The following TBCA variants were observed in gnomAD, a reference collection of about 807,000 sequenced individuals.
TBCA encodes tubulin-specific chaperone A.
A neutral mutation model predicts 15.8 loss-of-function variants in TBCA; 6 were observed. The observed-to-expected ratio is 0.38, with a 90% CI of 0.21 to 0.75. The LOEUF (loss-of-function observed/expected upper bound fraction) is 0.75. Among genes scored for constraint, TBCA ranks in the 30% least tolerant of loss-of-function variants. The pLI, the probability that TBCA is intolerant of heterozygous loss-of-function variation, is 0.46. For synonymous variants in TBCA, 32 were observed against 42.3 expected (o/e 0.76, Z 0.94); for missense variants, 90 against 131.2 (o/e 0.69, Z 1.53).
intron 1 of TBCA, among the ~76,000 whole-genome samples, chr5:77,714,766 C>G (rs572006449): frequency 7.2e-5 from 11 of 152,122 alleles, no homozygotes; most frequent in African/African-American, 2.7e-4. Flanking sequence ...CGGAGTTTCA[C>G]CGTGTTAGCC....
At chr5:77,715,194 A>G (rs1224593038) in intron 1 of TBCA, 1 of 693,868 alleles carries the variant, frequency 1.4e-6, no homozygotes, top group African/African-American at 1.8e-5. Flanking sequence ...TAGTTACATA[A>G]AAATGTAAAA....
At chr5:77,770,874 G>A (rs1159484771) in intron 1 of TBCA, among the ~76,000 whole-genome samples, 1 of 152,142 alleles carries the variant, frequency 6.6e-6, no homozygotes, top group Non-Finnish European at 1.5e-5. Context: ...AGTGGCTCAC[G>A]CCTATAATTC....
At chr5:77,728,622 T>TA (rs753250820) in intron 1 of TBCA, among the ~76,000 whole-genome samples, 2 of 151,984 alleles carry the variant, frequency 1.3e-5, no homozygotes, top group South Asian at 2.1e-4. Context: ...ACTTGTGTGT[T>TA]AAAAAAAAGT....
At chr5:77,742,992 T>C (rs352581) in intron 1 of TBCA, among the ~76,000 whole-genome samples, 57,927 of 152,012 alleles carry the variant, frequency 0.38, 11,085 homozygotes, top group South Asian at 0.41. Flanking sequence ...CTCAACAAGA[T>C]AGAAATTATC....
At chr5:77,749,960 T>G (rs764812571) in intron 1 of TBCA, among the ~76,000 whole-genome samples, 8 of 152,156 alleles carry the variant, frequency 5.3e-5, no homozygotes, top group Non-Finnish European at 8.8e-5. Flanking sequence ...CCATTTGCAT[T>G]TGAAGATATG....
At chr5:77,729,280 C>T (rs927503482) in intron 1 of TBCA, among the ~76,000 whole-genome samples, 2 of 152,104 alleles carry the variant, frequency 1.3e-5, no homozygotes, top group South Asian at 4.2e-4. Flanking sequence ...TGCCACTGCA[C>T]TCTAGCCTAG....
chr5:77,747,918 A>C (rs1375037022), intron 1 of TBCA, among the ~76,000 whole-genome samples: 4 of 152,134 alleles, frequency 2.6e-5, no homozygotes, highest in Non-Finnish European at 5.9e-5. Flanking sequence ...TTATCTTATA[A>C]TTTTCAAAAA....
At chr5:77,692,808 T>G in intron 3 of TBCA, 1 of 1,059,770 alleles carries the variant, frequency 9.4e-7, no homozygotes, top group Non-Finnish European at 1.1e-6. Flanking sequence ...GGGGACTACA[T>G]AGATTACCAG....
intron 1 of TBCA, among the ~76,000 whole-genome samples, chr5:77,744,900 T>C (rs1357373290): frequency 1.3e-5 from 2 of 152,202 alleles, no homozygotes; most frequent in Non-Finnish European, 2.9e-5. Flanking sequence ...TAAAAAGGTA[T>C]AGCCAGTACA....
chr5:77,730,374 A>C (rs551904050), intron 1 of TBCA, among the ~76,000 whole-genome samples: 4 of 152,304 alleles, frequency 2.6e-5, no homozygotes, highest in South Asian at 2.1e-4. Flanking sequence ...CTGTTAAGCC[A>C]AAGAGGCAAA....
chr5:77,761,447 T>C (rs1456596473), intron 1 of TBCA, among the ~76,000 whole-genome samples: 1 of 152,058 alleles, frequency 6.6e-6, no homozygotes, highest in Non-Finnish European at 1.5e-5. Context: ...GCATGCTCCT[T>C]AAGAGTCATC....
Position 77,751,910 on chromosome 5 carries a change from T to C in TBCA, c.53+24295A>G, listed in dbSNP as rs1346389848. 5.9e-5 allele frequency among the ~76,000 whole-genome samples: 9 copies of C among 152,230 alleles called. No homozygotes were observed. In the East Asian group the frequency reaches 1.7e-3, roughly 29 times the overall value. ...ATCATAGGGAGTCAAAGCTGTCTTC[T>C]TGCGCTCAGTCAGTTCCTGGGTAGG... On this transcript the variant is annotated intron_variant, in intron 1 of 3. Coordinates refer to ENST00000380377, the MANE Select transcript of TBCA (RefSeq NM_004607.3).
chr5:77,725,974 G>GC (rs1333808796), intron 1 of TBCA, among the ~76,000 whole-genome samples: 1 of 152,178 alleles, frequency 6.6e-6, no homozygotes, highest in Non-Finnish European at 1.5e-5. Context: ...AAATGAATCT[G>GC]CCACTGTGTT....
chr5:77,710,623 T>G (rs1167642483), intron 1 of TBCA, among the ~76,000 whole-genome samples: 1 of 152,220 alleles, frequency 6.6e-6, no homozygotes, highest in Non-Finnish European at 1.5e-5. Context: ...GATGTTTTCA[T>G]CAGGAAACAT....
chr5:77,703,297 CTGAG>C (rs10550056), intron 2 of TBCA, among the ~76,000 whole-genome samples: 57,494 of 151,638 alleles, frequency 0.38, 10,876 homozygotes, highest in South Asian at 0.41. Context: ...ATATGTCTGA[CTGAG>C]TGTCATTACT....
intron 1 of TBCA, among the ~76,000 whole-genome samples, chr5:77,741,193 G>A (rs936125959): frequency 5.3e-5 from 8 of 152,356 alleles, no homozygotes; most frequent in Middle Eastern, 3.4e-3. Flanking sequence ...GGGTTGTGGA[G>A]AAGATAATTC....
At chr5:77,738,746 C>T (rs962295091) in intron 1 of TBCA, among the ~76,000 whole-genome samples, 2 of 152,138 alleles carry the variant, frequency 1.3e-5, no homozygotes, top group Non-Finnish European at 2.9e-5. Context: ...CCACGCCTGG[C>T]TAATTTTTGT....
At chr5:77,724,733 T>C (rs1314776780) in intron 1 of TBCA, among the ~76,000 whole-genome samples, 1 of 152,118 alleles carries the variant, frequency 6.6e-6, no homozygotes, top group Non-Finnish European at 1.5e-5. Context: ...CAGACACACT[T>C]TATAAAAATT....
intron 1 of TBCA, among the ~76,000 whole-genome samples, chr5:77,729,810 T>C (rs369039022): frequency 9.7e-4 from 148 of 152,342 alleles, no homozygotes; most frequent in African/African-American, 3.3e-3. Context: ...TGTTAGTTAA[T>C]ACATTCTCTT....
Sources: gnomAD v4.1 joint callset for allele counts (sites outside exome capture counted in the v4.1 genomes callset) on GRCh38, gnomAD v4.1.1 for gene constraint, MANE v1.5 for transcripts, NCBI Gene and HGNC (gene_info 2026-07-23, HGNC 2026-07-21) for gene names.